The following C8orf34 variants were observed in gnomAD, a reference collection of about 807,000 sequenced individuals.
The protein encoded by C8orf34 is uncharacterized protein C8orf34.
A neutral mutation model predicts 68.3 loss-of-function variants in C8orf34; 65 were observed. The ratio of observed to expected loss-of-function variants is 0.95; its 90% confidence interval spans 0.78 to 1.17. The LOEUF (loss-of-function observed/expected upper bound fraction) is 1.17, where lower values mean the gene tolerates loss of function less well. C8orf34 is among the 50% of genes most tolerant of loss of function. The pLI is 0.00. For synonymous variants in C8orf34, 244 were observed against 241.2 expected (o/e 1.01, Z -0.11); for missense variants, 664 against 655.4 (o/e 1.01, Z -0.14).
intron 1 of C8orf34, among the ~76,000 whole-genome samples, chr8:68,404,360 C>A (rs1586065623): frequency 6.6e-6 from 1 of 152,146 alleles, no homozygotes; most frequent in Non-Finnish European, 1.5e-5. Flanking sequence ...TTTTGCTGTG[C>A]AGAAGCTCTT....
intron 4 of C8orf34, among the ~76,000 whole-genome samples, chr8:68,473,618 G>C (rs1262532055): frequency 1.3e-5 from 2 of 151,998 alleles, no homozygotes; most frequent in South Asian, 2.1e-4. Context: ...AATGATTTGG[G>C]GGCTGCTTTT....
chr8:68,384,281 G>GT lies in C8orf34; in HGVS notation c.327+52943dup, dbSNP rs556849103. On this transcript the variant is annotated intron_variant, in intron 1 of 13. Coordinates refer to ENST00000518698, the MANE Select transcript of C8orf34 (RefSeq NM_052958.4). ...ATGACAGCAACAGCAAAAACAGTAG[G>GT]TCAAAAGAACATGTATCAATGGCTT... Among the ~76,000 whole-genome samples the GT allele has an allele frequency of 9.4e-3, 1,437 of 152,258 alleles. 7 individuals carry two copies. Among genetic ancestry groups the GT allele is most frequent in the Non-Finnish European group, 0.016 (1,069 of 68,018 alleles).
intron 4 of C8orf34, among the ~76,000 whole-genome samples, chr8:68,475,329 C>A (rs1015850876): frequency 1.3e-5 from 2 of 152,200 alleles, no homozygotes; most frequent in African/African-American, 4.8e-5. Context: ...ATGCTATGAT[C>A]TGTTTTTATT....
chr8:68,689,658 C>T (rs1349580932), intron 8 of C8orf34, among the ~76,000 whole-genome samples: 1 of 151,912 alleles, frequency 6.6e-6, no homozygotes, highest in Non-Finnish European at 1.5e-5. Context: ...TAGTTGTGGT[C>T]CTGCCTCCCA....
chr8:68,615,824 T>C lies in C8orf34; in HGVS notation c.1106-24552T>C, dbSNP rs538423417. On this transcript the variant is annotated intron_variant, in intron 7 of 13. Transcript: ENST00000518698. Reference sequence around the variant, plus strand: ...CCTCATAAAATGAGTTAGGGAGGATTCCCTCTTTTTCTATTGATTGGAATA... The same window carrying C: ...CCTCATAAAATGAGTTAGGGAGGATCCCCTCTTTTTCTATTGATTGGAATA... Among the ~76,000 whole-genome samples, 274 of 152,142 alleles carry C rather than the reference T, an allele frequency of 1.8e-3. 2 individuals carry two copies. Among genetic ancestry groups the C allele is most frequent in the Non-Finnish European group, 5.9e-4 (40 of 67,986 alleles).
intron 8 of C8orf34, among the ~76,000 whole-genome samples, chr8:68,704,043 G>T (rs1028572644): frequency 2.6e-5 from 4 of 152,080 alleles, no homozygotes; most frequent in Admixed American, 1.3e-4. Flanking sequence ...TCACTAAGAA[G>T]TACCTTAAGA....
intron 13 of C8orf34, among the ~76,000 whole-genome samples, chr8:68,816,653 AT>A (rs1376947021): frequency 6.6e-6 from 1 of 152,140 alleles, no homozygotes; most frequent in Admixed American, 6.6e-5. Flanking sequence ...TTGTCTGCTC[AT>A]TTAATTTTGC....
intron 2 of C8orf34, among the ~76,000 whole-genome samples, chr8:68,441,223 G>A (rs1342595203): frequency 6.6e-6 from 1 of 152,166 alleles, no homozygotes; most frequent in Non-Finnish European, 1.5e-5. Flanking sequence ...GGTGTTGGCT[G>A]GGTTACATTC....
intron 3 of C8orf34, among the ~76,000 whole-genome samples, chr8:68,457,495 T>G (rs962853288): frequency 2.0e-5 from 3 of 152,172 alleles, no homozygotes; most frequent in Non-Finnish European, 4.4e-5. Context: ...TGAAAGTTAT[T>G]TTGGTTCAAA....
intron 3 of C8orf34, among the ~76,000 whole-genome samples, chr8:68,462,699 C>G (rs1355710855): frequency 1.3e-5 from 2 of 151,886 alleles, no homozygotes; most frequent in South Asian, 2.1e-4. Flanking sequence ...CTACTGGGTA[C>G]ATAACAAAAT....
chr8:68,601,510 T>C (rs4442130), intron 7 of C8orf34, among the ~76,000 whole-genome samples: 87,966 of 151,882 alleles, frequency 0.58, 25,710 homozygotes, highest in African/African-American at 0.61. Context: ...TACTGTTGAA[T>C]CCATCCTGTA....
upstream of C8orf34, among the ~76,000 whole-genome samples, chr8:68,330,527 C>T (rs780499258): frequency 1.3e-5 from 2 of 152,142 alleles, no homozygotes; most frequent in Non-Finnish European, 2.9e-5. Flanking sequence ...TCAACCCCTG[C>T]GCTAGAGTAG....
chr8:68,768,442 A>G (rs1244834126), intron 10 of C8orf34, among the ~76,000 whole-genome samples: 3 of 152,092 alleles, frequency 2.0e-5, no homozygotes, highest in South Asian at 4.1e-4. Context: ...TTCAGTGGAC[A>G]GTTAGTTCTC....
chr8:68,434,670 A>T (rs1275299875), intron 1 of C8orf34, among the ~76,000 whole-genome samples: 1 of 152,206 alleles, frequency 6.6e-6, no homozygotes, highest in Non-Finnish European at 1.5e-5. Flanking sequence ...ACAATAAAGG[A>T]AACAGGTATT....
At chr8:68,759,927 TC>T (rs1283294895) in intron 10 of C8orf34, among the ~76,000 whole-genome samples, 1 of 152,222 alleles carries the variant, frequency 6.6e-6, no homozygotes, top group African/African-American at 2.4e-5. Flanking sequence ...AAAGATATAC[TC>T]ATTGCCATTA....
At chr8:68,588,985 CA>C (rs1313629305) in intron 7 of C8orf34, among the ~76,000 whole-genome samples, 2 of 152,056 alleles carry the variant, frequency 1.3e-5, no homozygotes, top group African/African-American at 4.8e-5. Context: ...AATGTGTTCC[CA>C]AAATATTTTA....
chr8:68,512,039 C>G (rs1268296073), intron 5 of C8orf34, among the ~76,000 whole-genome samples: 1 of 152,094 alleles, frequency 6.6e-6, no homozygotes, highest in Non-Finnish European at 1.5e-5. Context: ...TTATCAGAAG[C>G]CTGTATTTGG....
At chr8:68,632,925 C>G (rs920166065) in intron 7 of C8orf34, among the ~76,000 whole-genome samples, 3 of 152,176 alleles carry the variant, frequency 2.0e-5, no homozygotes, top group Non-Finnish European at 4.4e-5. Flanking sequence ...AAATCTGCTG[C>G]AGGTCAGAGC....
At chr8:68,803,812 G>A (rs935656536) in intron 12 of C8orf34, among the ~76,000 whole-genome samples, 1 of 151,976 alleles carries the variant, frequency 6.6e-6, no homozygotes, top group Non-Finnish European at 1.5e-5. Flanking sequence ...TGATCAGTGG[G>A]TCATTTTTTT....
Sources: allele counts gnomAD v4.1 joint callset (sites outside exome capture counted in the v4.1 genomes callset), GRCh38; gene constraint gnomAD v4.1.1; transcripts MANE v1.5; gene names NCBI Gene and HGNC (gene_info 2026-07-23, HGNC 2026-07-21).